The following CWC27 variants were observed in gnomAD, a reference collection of about 807,000 sequenced individuals.
CWC27 encodes CWC27 spliceosome associated cyclophilin, also known as spliceosome-associated protein CWC27 homolog.
CWC27 carries 47 observed loss-of-function variants against 63.6 expected under a neutral mutation model. The observed-to-expected ratio is 0.74, with a 90% CI of 0.58 to 0.94. The LOEUF (loss-of-function observed/expected upper bound fraction) is 0.94. CWC27 is among the 40% of genes least tolerant of loss of function. CWC27 has a pLI of 0.00. For synonymous variants in CWC27, 175 were observed against 179.8 expected (o/e 0.97, Z 0.22); for missense variants, 495 against 554.3 (o/e 0.89, Z 1.07).
chr5:64,925,592 A>G (rs1218697963), intron 11 of CWC27, among the ~76,000 whole-genome samples: 1 of 152,204 alleles, frequency 6.6e-6, no homozygotes, highest in Non-Finnish European at 1.5e-5. Context: ...GTCACGTGCC[A>G]TTTATCAAGC....
intron 10 of CWC27, among the ~76,000 whole-genome samples, chr5:64,858,233 G>A (rs539133976): frequency 6.7e-6 from 1 of 149,354 alleles, no homozygotes; most frequent in South Asian, 2.1e-4. Flanking sequence ...GCCGAGGCGG[G>A]CGGATCACGA....
At chr5:64,933,424 A>G (rs1405776040) in intron 11 of CWC27, among the ~76,000 whole-genome samples, 2 of 151,734 alleles carry the variant, frequency 1.3e-5, no homozygotes, top group African/African-American at 4.8e-5. Context: ...AGTCATTTAC[A>G]TTTTTTAATA....
intron 11 of CWC27, among the ~76,000 whole-genome samples, chr5:64,964,574 A>G (rs1748978388): frequency 1.3e-5 from 2 of 152,212 alleles, no homozygotes; most frequent in Non-Finnish European, 2.9e-5. Context: ...GCAGGCATAC[A>G]GACACAAAGA....
intron 11 of CWC27, among the ~76,000 whole-genome samples, chr5:64,933,500 T>C (rs2112404859): frequency 6.6e-6 from 1 of 150,454 alleles, no homozygotes; most frequent in South Asian, 2.1e-4. Context: ...TTTCTCTTTT[T>C]TTTTTTTTTT....
chr5:64,929,898 T>TAA (rs1230408524), intron 11 of CWC27, among the ~76,000 whole-genome samples: 4 of 141,554 alleles, frequency 2.8e-5, no homozygotes, highest in African/African-American at 7.7e-5. Context: ...AGCAAGTGTT[T>TAA]AAAAAAAAAA....
intron 7 of CWC27, among the ~76,000 whole-genome samples, chr5:64,797,915 G>T (rs1247672054): frequency 6.6e-6 from 1 of 152,162 alleles, no homozygotes; most frequent in Admixed American, 6.5e-5. Flanking sequence ...ATTTATTAGT[G>T]TAAGTCATTT....
intron 13 of CWC27, among the ~76,000 whole-genome samples, chr5:64,988,360 A>AT (rs955091088): frequency 6.6e-5 from 10 of 151,396 alleles, no homozygotes; most frequent in African/African-American, 9.7e-5. Flanking sequence ...ATGCCAAGTA[A>AT]TTTTTTTTTA....
At chr5:64,959,855 A>G (rs1748873510) in intron 11 of CWC27, among the ~76,000 whole-genome samples, 1 of 152,366 alleles carries the variant, frequency 6.6e-6, no homozygotes, top group Admixed American at 6.5e-5. Context: ...TATGCAAGGC[A>G]TATGCTAGGC....
At chr5:65,005,245 G>A (rs1749821299) in intron 13 of CWC27, among the ~76,000 whole-genome samples, 1 of 151,520 alleles carries the variant, frequency 6.6e-6, no homozygotes, top group Non-Finnish European at 1.5e-5. Context: ...GGCACATTTA[G>A]GCACCCATGG....
chr5:64,927,787 G>C (rs1748148056), intron 11 of CWC27, among the ~76,000 whole-genome samples: 1 of 152,092 alleles, frequency 6.6e-6, no homozygotes, highest in Non-Finnish European at 1.5e-5. Context: ...CCAAATCATT[G>C]TCCACAACTC....
chr5:64,930,784 G>A (rs959279431), intron 11 of CWC27, among the ~76,000 whole-genome samples: 2 of 152,124 alleles, frequency 1.3e-5, no homozygotes, highest in East Asian at 3.9e-4. Flanking sequence ...TCCACAATGA[G>A]AAGCGTATGG....
At chr5:64,973,569 G>T (rs1749165720) in intron 12 of CWC27, among the ~76,000 whole-genome samples, 1 of 152,188 alleles carries the variant, frequency 6.6e-6, no homozygotes, top group Non-Finnish European at 1.5e-5. Context: ...ATGCCTCCAT[G>T]CAGATCCTAT....
chr5:64,813,123 A>G (rs902246801), intron 10 of CWC27, among the ~76,000 whole-genome samples: 6 of 152,190 alleles, frequency 3.9e-5, no homozygotes, highest in African/African-American at 7.2e-5. Flanking sequence ...CTCTCAATGT[A>G]GACTAGGTGG....
At chr5:64,774,056 G>A (rs1295863974) in intron 1 of CWC27, among the ~76,000 whole-genome samples, 2 of 152,046 alleles carry the variant, frequency 1.3e-5, no homozygotes, top group African/African-American at 4.8e-5. Context: ...CAATTTAATG[G>A]GTTCATTATT....
At chr5:64,876,511 A>C (rs1168019457) in intron 10 of CWC27, among the ~76,000 whole-genome samples, 1 of 152,160 alleles carries the variant, frequency 6.6e-6, no homozygotes, top group Non-Finnish European at 1.5e-5. Context: ...GCATGTGTTT[A>C]GCCATCAGCT....
At chr5:64,825,867 C>T (rs1745342759) in intron 10 of CWC27, among the ~76,000 whole-genome samples, 1 of 152,158 alleles carries the variant, frequency 6.6e-6, no homozygotes, top group South Asian at 2.1e-4. Context: ...CAGATTATCA[C>T]AGATAATCTG....
At chr5:64,833,536 T>C (rs1489358193) in intron 10 of CWC27, among the ~76,000 whole-genome samples, 1 of 151,794 alleles carries the variant, frequency 6.6e-6, no homozygotes, top group Non-Finnish European at 1.5e-5. Flanking sequence ...TGCACTTCAG[T>C]GTTAAGTGAT....
intron 11 of CWC27, among the ~76,000 whole-genome samples, chr5:64,898,337 C>T (rs566147930): frequency 1.8e-4 from 27 of 151,504 alleles, no homozygotes; most frequent in South Asian, 4.2e-4. Flanking sequence ...AAATACAAAA[C>T]GCAGGCAAAA....
Position 65,018,372 on chromosome 5 carries a change from T to C in CWC27, c.*51T>C, listed in dbSNP as rs749854319. On this transcript the variant is annotated 3_prime_UTR_variant, in exon 14 of 14. Coordinates refer to ENST00000381070, the MANE Select transcript of CWC27 (RefSeq NM_005869.4). ...TGCTGGAAATGTGCCTACAATGGCCTTGTAACAGCCATTGTTCCCAACAGC... is the reference window on the plus strand; with the variant it reads ...TGCTGGAAATGTGCCTACAATGGCCCTGTAACAGCCATTGTTCCCAACAGC... 1.1e-5 allele frequency: 16 copies of C among 1,456,628 alleles called. No individual in the cohort carries two copies. The highest frequency in any genetic ancestry group is 1.4e-5 in the Non-Finnish European group (15 of 1,074,540). The allele number at this position is 1,456,628 out of a possible 1,614,324, so 90.2% of individuals were successfully genotyped here.
Sources: gnomAD v4.1 joint callset for allele counts (sites outside exome capture counted in the v4.1 genomes callset) on GRCh38, gnomAD v4.1.1 for gene constraint, MANE v1.5 for transcripts, NCBI Gene and HGNC (gene_info 2026-07-23, HGNC 2026-07-21) for gene names.